PCDH11X: variants seen among roughly 807,000 people sequenced by gnomAD.
PCDH11X encodes protocadherin-11 X-linked.
In PCDH11X, 18 loss-of-function variants were observed where a neutral mutation model predicts 53.3. The observed-to-expected ratio is 0.34, with a 90% confidence interval of 0.23 to 0.50. PCDH11X has a LOEUF of 0.50. Among genes scored for constraint, PCDH11X ranks in the 20% least tolerant of loss-of-function variants. The probability of loss-of-function intolerance (pLI) is 0.98; values close to 1 mark genes in which losing one functional copy is unlikely to be tolerated. For missense variants in PCDH11X, 570 were observed against 1,032.4 expected (o/e 0.55, Z 6.14); for synonymous variants, 279 against 393.3 (o/e 0.71, Z 3.44).
At chrX:91,813,738 G>T (rs920107108) in intron 4 of PCDH11X, among the ~76,000 whole-genome samples, 51 of 105,636 alleles carry the variant, frequency 4.8e-4, no homozygotes, top group South Asian at 8.5e-4. Context: ...CCATAAAAAC[G>T]TGGAAGTAGA....
chrX:92,100,744 C>G (rs1292731518), intron 6 of PCDH11X, among the ~76,000 whole-genome samples: 1 of 108,591 alleles, frequency 9.2e-6, no homozygotes, highest in African/African-American at 3.5e-5. Flanking sequence ...AGTGTTGGGA[C>G]GGTGAAAATT....
rs751178147 is a variant in PCDH11X at position 92,367,309 on chromosome X, T to C, written c.3145-20426T>C. On this transcript the variant is annotated intron_variant, in intron 8 of 10. Coordinates refer to ENST00000682573, the MANE Select transcript of PCDH11X (RefSeq NM_032968.5). ...AAGTCTGTTTTATCAGAGTCTAGAA[T>C]TGCAACCCCTGCTTTTTTTCTTTCT... Among the ~76,000 whole-genome samples, 7 of 111,731 alleles carry C rather than the reference T, an allele frequency of 6.3e-5. No individual in the cohort carries two copies. The East Asian group carries it at 1.4e-3, about 23-fold the overall frequency.
At chrX:92,481,570 G>T (rs7064399) in intron 10 of PCDH11X, among the ~76,000 whole-genome samples, 4,911 of 109,754 alleles carry the variant, frequency 0.045, 261 homozygotes, top group African/African-American at 0.15. Context: ...GCAGAGTCAG[G>T]CTGGGCCTCT....
chrX:92,308,233 T>C (rs923155022), intron 8 of PCDH11X, among the ~76,000 whole-genome samples: 30 of 111,379 alleles, frequency 2.7e-4, no homozygotes, highest in Non-Finnish European at 4.9e-4. Context: ...GGCCTAACAC[T>C]TTCTGATTTC....
chrX:92,611,419 A>G (rs1243256934), intron 10 of PCDH11X, among the ~76,000 whole-genome samples: 2 of 108,264 alleles, frequency 1.8e-5, no homozygotes, highest in African/African-American at 6.7e-5. Context: ...AATTCTACTG[A>G]TTTTTGCACA....
intron 6 of PCDH11X, among the ~76,000 whole-genome samples, chrX:92,017,174 A>C (rs987079242): frequency 9.4e-6 from 1 of 106,836 alleles, no homozygotes; most frequent in Non-Finnish European, 1.9e-5. Context: ...ATCTATAGCC[A>C]AAAATAATTA....
intron 8 of PCDH11X, among the ~76,000 whole-genome samples, chrX:92,326,253 C>A (rs1174525006): frequency 9.2e-6 from 1 of 109,203 alleles, no homozygotes; most frequent in Non-Finnish European, 1.9e-5. Flanking sequence ...GGCTTCCTTG[C>A]AGCATGGTAG....
chrX:92,513,170 A>C (rs112828848), intron 10 of PCDH11X, among the ~76,000 whole-genome samples: 5,551 of 110,530 alleles, frequency 0.05, 332 homozygotes, highest in African/African-American at 0.17. Context: ...GTGGTAACTC[A>C]ATGGTGAATG....
intron 10 of PCDH11X, among the ~76,000 whole-genome samples, chrX:92,473,719 C>A (rs1267155294): frequency 2.7e-5 from 3 of 110,717 alleles, no homozygotes; most frequent in Non-Finnish European, 5.7e-5. Context: ...GATCATTCAG[C>A]AGCATATTGT....
chrX:92,585,373 CTTT>C (rs1273543624), intron 10 of PCDH11X, among the ~76,000 whole-genome samples: 5 of 92,387 alleles, frequency 5.4e-5, no homozygotes, highest in Non-Finnish European at 4.3e-5. Flanking sequence ...CTTTCTTTTT[CTTT>C]TTTTTTTTTT....
chrX:92,593,356 T>C (rs1342278275), intron 10 of PCDH11X, among the ~76,000 whole-genome samples: 1 of 111,948 alleles, frequency 8.9e-6, no homozygotes, highest in African/African-American at 3.2e-5. Context: ...TGCAATGTTA[T>C]ACGTGGTTAA....
At chrX:92,142,858 T>C (rs1173262611) in intron 6 of PCDH11X, among the ~76,000 whole-genome samples, 10 of 108,693 alleles carry the variant, frequency 9.2e-5, no homozygotes, top group African/African-American at 2.7e-4. Flanking sequence ...TGTATATATA[T>C]ATACACACAC....
chrX:92,378,925 T>G (rs960964738), intron 8 of PCDH11X, among the ~76,000 whole-genome samples: 1 of 113,194 alleles, frequency 8.8e-6, no homozygotes, highest in African/African-American at 3.2e-5. Context: ...GCTTAAATAA[T>G]CTGAATCTTA....
At chrX:92,143,727 A>G in intron 6 of PCDH11X, among the ~76,000 whole-genome samples, 1 of 112,602 alleles carries the variant, frequency 8.9e-6, no homozygotes, top group Non-Finnish European at 1.9e-5. Context: ...GCCCCCACAC[A>G]GAATCCCTAC....
In PCDH11X at chrX:92,444,176, T is replaced by C. The variant is rs374615289; in HGVS notation, c.3344-24123T>C. ...CCAATCCATGAGCATGAAACGTTTT[T>C]CCATGTGTTTTTGTCATCTCTGATT... On this transcript the variant is annotated intron_variant, in intron 9 of 10. Transcript: ENST00000682573. Among the ~76,000 whole-genome samples, 440 of 108,439 alleles carry C rather than the reference T, an allele frequency of 4.1e-3. 6 individuals carry two copies. In the East Asian group the frequency reaches 0.043, roughly 11 times the overall value. 94.2% of individuals were successfully genotyped at this position (108,439 alleles called of 115,157 possible). A position where few individuals can be genotyped will look rare whatever the true frequency, so the allele number is the denominator to read the frequency against.
intron 8 of PCDH11X, among the ~76,000 whole-genome samples, chrX:92,376,972 G>C (rs2078724472): frequency 9.0e-6 from 1 of 111,349 alleles, no homozygotes; most frequent in East Asian, 2.8e-4. Context: ...TTTCCAGTAA[G>C]GAAATATTCT....
intron 1 of PCDH11X, among the ~76,000 whole-genome samples, chrX:91,803,646 A>G (rs1160112101): frequency 1.8e-5 from 2 of 111,493 alleles, no homozygotes; most frequent in Non-Finnish European, 3.8e-5. Context: ...CCTCATATGT[A>G]AACGGAAGTC....
Position 92,419,666 on chromosome X carries a change from AC to A in PCDH11X, c.3343+31736del, listed in dbSNP as rs2071908929. Among the ~76,000 whole-genome samples the A allele has an allele frequency of 1.3e-4, 3 of 22,254 alleles. 1 individual carries two copies. The highest frequency in any genetic ancestry group is 1.4e-4 in the African/African-American group (1 of 7,023). The allele number at this position is 22,254 out of a possible 115,157, so 19.3% of individuals were successfully genotyped here. A position where few individuals can be genotyped will look rare whatever the true frequency, so the allele number is the denominator to read the frequency against. ...TTCTGTTTCTCTCTCCCCTCCCTCCACCCTTTTTTTTTTTTTTTTTTTTTTT... is the reference window on the plus strand; with the variant it reads ...TTCTGTTTCTCTCTCCCCTCCCTCCACCTTTTTTTTTTTTTTTTTTTTTTT... On this transcript the variant is annotated intron_variant, in intron 9 of 10. Transcript: ENST00000682573.
intron 8 of PCDH11X, among the ~76,000 whole-genome samples, chrX:92,331,611 T>C (rs184561284): frequency 9.1e-6 from 1 of 110,245 alleles, no homozygotes; most frequent in Admixed American, 9.8e-5. Flanking sequence ...AAGCACCAAA[T>C]TTTCTGTTAC....
Sources: allele counts gnomAD v4.1 joint callset (sites outside exome capture counted in the v4.1 genomes callset), GRCh38; gene constraint gnomAD v4.1.1; transcripts MANE v1.5; gene names NCBI Gene and HGNC (gene_info 2026-07-23, HGNC 2026-07-21).